ASCC3: variants seen among roughly 807,000 people sequenced by gnomAD.
ASCC3 encodes ASC-1 complex subunit P200.
Under a neutral mutation model 256.3 loss-of-function variants are expected in ASCC3, and 158 were observed. The observed-to-expected ratio is 0.62, with a 90% CI of 0.54 to 0.70. The LOEUF is 0.70. Among genes scored for constraint, ASCC3 ranks in the 30% least tolerant of loss-of-function variants. The pLI is 0.00. For missense variants in ASCC3, 2,259 were observed against 2,626.0 expected (o/e 0.86, Z 3.05); for synonymous variants, 948 against 883.4 (o/e 1.07, Z -1.30).
At chr6:100,877,311 G>A (rs1432156559) in intron 1 of ASCC3, among the ~76,000 whole-genome samples, 1 of 152,120 alleles carries the variant, frequency 6.6e-6, no homozygotes, top group African/African-American at 2.4e-5. Context: ...GGAGTAGGTT[G>A]TAAATGGAGT....
chr6:100,773,858 A>G (rs1308184133), intron 8 of ASCC3, among the ~76,000 whole-genome samples: 1 of 152,196 alleles, frequency 6.6e-6, no homozygotes, highest in African/African-American at 2.4e-5. Flanking sequence ...AATGTCCTCC[A>G]AAGAAATACT....
chr6:100,728,048 A>T (rs1779721541), intron 10 of ASCC3, among the ~76,000 whole-genome samples: 1 of 152,152 alleles, frequency 6.6e-6, no homozygotes, highest in South Asian at 2.1e-4. Flanking sequence ...GTAACAATCA[A>T]ATTGTCTAAG....
At chr6:100,687,897 T>C (rs1254826058) in intron 13 of ASCC3, among the ~76,000 whole-genome samples, 1 of 151,840 alleles carries the variant, frequency 6.6e-6, no homozygotes, top group African/African-American at 2.4e-5. Context: ...AGACTTTTTG[T>C]AGAAATGGAC....
chr6:100,720,843 A>G (rs1779295145), intron 11 of ASCC3, among the ~76,000 whole-genome samples: 2 of 148,326 alleles, frequency 1.3e-5, no homozygotes, highest in African/African-American at 4.9e-5. Context: ...ACACTTATAT[A>G]TTGATACACT....
intron 36 of ASCC3, among the ~76,000 whole-genome samples, chr6:100,571,951 T>C (rs1770612504): frequency 6.6e-6 from 1 of 152,220 alleles, no homozygotes; most frequent in Non-Finnish European, 1.5e-5. Context: ...GAAAAGCTAA[T>C]GTGATGTGGC....
At chr6:100,785,269 C>T (rs1769009955) in intron 8 of ASCC3, among the ~76,000 whole-genome samples, 1 of 152,122 alleles carries the variant, frequency 6.6e-6, no homozygotes, top group Non-Finnish European at 1.5e-5. Context: ...TACAATGAAA[C>T]TGAGCCAAAT....
chr6:100,535,094 A>G (rs1373417740), intron 37 of ASCC3, among the ~76,000 whole-genome samples: 1 of 152,210 alleles, frequency 6.6e-6, no homozygotes, highest in Non-Finnish European at 1.5e-5. Flanking sequence ...CTCAGATACC[A>G]GAGGTTAAGT....
intron 20 of ASCC3, among the ~76,000 whole-genome samples, chr6:100,648,657 T>C (rs1286018733): frequency 2.6e-5 from 4 of 151,994 alleles, no homozygotes; most frequent in Non-Finnish European, 5.9e-5. Context: ...GCCCAGAGAA[T>C]AATAAATAAA....
chr6:100,690,176 C>G (rs1777777486), intron 13 of ASCC3, among the ~76,000 whole-genome samples: 1 of 152,078 alleles, frequency 6.6e-6, no homozygotes, highest in Non-Finnish European at 1.5e-5. Context: ...CTTCTGTATA[C>G]TTTATATCAT....
At chr6:100,707,415 T>A (rs1201769305) in intron 13 of ASCC3, among the ~76,000 whole-genome samples, 1 of 152,132 alleles carries the variant, frequency 6.6e-6, no homozygotes, top group East Asian at 1.9e-4. Flanking sequence ...ATAAAATGCA[T>A]CAATAAAATG....
intron 3 of ASCC3, chr6:100,856,207 C>T: frequency 4.5e-6 from 1 of 222,184 alleles, no homozygotes; most frequent in Non-Finnish European, 7.6e-6. Flanking sequence ...CACTTGGTGG[C>T]TTTATCACAA....
chr6:100,571,107 C>T (rs983620704), intron 36 of ASCC3, among the ~76,000 whole-genome samples: 1 of 152,142 alleles, frequency 6.6e-6, no homozygotes, highest in East Asian at 1.9e-4. Flanking sequence ...CTTACTATGG[C>T]CCTAGATGAT....
intron 36 of ASCC3, among the ~76,000 whole-genome samples, chr6:100,544,480 G>A (rs1775611335): frequency 6.6e-6 from 1 of 151,888 alleles, no homozygotes; most frequent in South Asian, 2.1e-4. Context: ...TAAGAGGGGT[G>A]ACATAACTAC....
intron 37 of ASCC3, among the ~76,000 whole-genome samples, chr6:100,531,281 T>C (rs867632511): frequency 1.3e-5 from 2 of 152,182 alleles, no homozygotes; most frequent in African/African-American, 2.4e-5. Context: ...AATTCCAACA[T>C]TGTGGATTTC....
At chr6:100,687,724 T>C (rs2114978906) in intron 13 of ASCC3, among the ~76,000 whole-genome samples, 1 of 152,212 alleles carries the variant, frequency 6.6e-6, no homozygotes, top group East Asian at 1.9e-4. Flanking sequence ...AGGGTGATGA[T>C]AAAACTTGTG....
intron 5 of ASCC3, among the ~76,000 whole-genome samples, chr6:100,804,555 TA>T (rs1486785239): frequency 6.6e-6 from 1 of 151,870 alleles, no homozygotes; most frequent in Admixed American, 6.6e-5. Context: ...ATAAGGAACC[TA>T]AATCAACAAG....
At chr6:100,601,266 C>T (rs1283917500) in intron 34 of ASCC3, among the ~76,000 whole-genome samples, 1 of 151,992 alleles carries the variant, frequency 6.6e-6, no homozygotes, top group African/African-American at 2.4e-5. Context: ...TAAAGATCAG[C>T]CCTTAAAAAA....
chr6:100,760,826 T>A (rs1239597880), intron 10 of ASCC3, among the ~76,000 whole-genome samples: 1 of 152,092 alleles, frequency 6.6e-6, no homozygotes, highest in African/African-American at 2.4e-5. Flanking sequence ...AAACAAAATA[T>A]CTAGATCTCA....
intron 36 of ASCC3, among the ~76,000 whole-genome samples, chr6:100,587,203 C>T (rs906568180): frequency 6.6e-6 from 1 of 151,940 alleles, no homozygotes; most frequent in Non-Finnish European, 1.5e-5. Flanking sequence ...TACACTTTCT[C>T]CTTAGTTTAA....
Sources: gnomAD v4.1 joint callset for allele counts (sites outside exome capture counted in the v4.1 genomes callset) on GRCh38, gnomAD v4.1.1 for gene constraint, MANE v1.5 for transcripts, NCBI Gene and HGNC (gene_info 2026-07-23, HGNC 2026-07-21) for gene names.